The following RARB variants were observed in gnomAD, a reference collection of about 807,000 sequenced individuals.
RARB encodes retinoic acid receptor beta.
Under a neutral mutation model 51.9 loss-of-function variants are expected in RARB, and 17 were observed. The ratio of observed to expected loss-of-function variants is 0.33; its 90% CI spans 0.22 to 0.49. RARB has a LOEUF of 0.49. Among genes scored for constraint, RARB ranks in the 20% least tolerant of loss-of-function variants. The pLI is 0.99. For synonymous variants in RARB, 215 were observed against 195.4 expected, an observed-to-expected ratio of 1.10 and a Z score of -0.84; for missense variants, 369 against 550.8, an observed-to-expected ratio of 0.67 and a Z score of 3.30.
At chr3:24,991,472 GAAAAAAA>G (rs1696909699) in intron 2 of RARB, among the ~76,000 whole-genome samples, 1 of 150,210 alleles carries the variant, frequency 6.7e-6, no homozygotes, top group African/African-American at 2.5e-5. Context: ...AAAAGAAAAA[GAAAAAAA>G]TTAGCATTTT....
At chr3:25,170,796 G>T (rs1473307914) in intron 4 of RARB, among the ~76,000 whole-genome samples, 1 of 151,900 alleles carries the variant, frequency 6.6e-6, no homozygotes, top group Non-Finnish European at 1.5e-5. Flanking sequence ...ACATATGTGT[G>T]GAGAAAAATA....
At chr3:25,015,409 T>C (rs1697486855) in intron 2 of RARB, among the ~76,000 whole-genome samples, 1 of 152,200 alleles carries the variant, frequency 6.6e-6, no homozygotes, top group African/African-American at 2.4e-5. Context: ...ATTATCTTTA[T>C]AATTTGTTAA....
chr3:25,317,759 A>G (rs529670411), intron 5 of RARB, among the ~76,000 whole-genome samples: 6 of 152,350 alleles, frequency 3.9e-5, no homozygotes, highest in African/African-American at 1.4e-4. Context: ...ATTTATAATT[A>G]TCATCTCAAC....
At chr3:24,903,604 G>T (rs76602584) in intron 2 of RARB, among the ~76,000 whole-genome samples, 1 of 152,022 alleles carries the variant, frequency 6.6e-6, no homozygotes, top group Non-Finnish European at 1.5e-5. Context: ...TAGGAATTAC[G>T]CAAACAACAC....
intron 3 of RARB, among the ~76,000 whole-genome samples, chr3:25,069,920 T>G (rs916466723): frequency 1.3e-5 from 2 of 152,220 alleles, no homozygotes; most frequent in African/African-American, 4.8e-5. Flanking sequence ...TGTAGTTTCC[T>G]AGGGCTGTCA....
chr3:25,022,427 A>C (rs1483235976), intron 2 of RARB, among the ~76,000 whole-genome samples: 2 of 152,196 alleles, frequency 1.3e-5, no homozygotes, highest in Admixed American at 6.5e-5. Flanking sequence ...GATTTCATTT[A>C]TATGCATATT....
intron 5 of RARB, among the ~76,000 whole-genome samples, chr3:25,581,902 T>C (rs1701193150): frequency 6.6e-6 from 1 of 151,876 alleles, no homozygotes; most frequent in Non-Finnish European, 1.5e-5. Context: ...GAAGCAAATG[T>C]TGTTGTTTAA....
intron 1 of RARB, among the ~76,000 whole-genome samples, chr3:24,842,268 C>A (rs769339454): frequency 2.0e-5 from 3 of 152,070 alleles, no homozygotes; most frequent in Non-Finnish European, 2.9e-5. Context: ...ATTATAAATT[C>A]AAAGCTATAG....
chr3:25,476,187 A>G (rs1695933792), intron 2 of RARB, among the ~76,000 whole-genome samples: 1 of 152,196 alleles, frequency 6.6e-6, no homozygotes, highest in Non-Finnish European at 1.5e-5. Flanking sequence ...AATGGAGTAG[A>G]TGAAAATGCA....
At chr3:24,838,960 T>G (rs1702381219) in intron 1 of RARB, among the ~76,000 whole-genome samples, 1 of 150,836 alleles carries the variant, frequency 6.6e-6, no homozygotes, top group Non-Finnish European at 1.5e-5. Context: ...TAAATCAAAA[T>G]TAAAAACAAA....
intron 5 of RARB, among the ~76,000 whole-genome samples, chr3:25,421,215 A>G (rs980937171): frequency 2.0e-5 from 3 of 151,802 alleles, no homozygotes; most frequent in African/African-American, 7.3e-5. Flanking sequence ...CTCTTAGAGA[A>G]CTTGCCCTAA....
chr3:25,452,710 A>G (rs547815058), intron 1 of RARB, among the ~76,000 whole-genome samples: 3 of 152,296 alleles, frequency 2.0e-5, no homozygotes, highest in African/African-American at 7.2e-5. Context: ...AGTCATTTAC[A>G]TCTCATTTAT....
intron 2 of RARB, among the ~76,000 whole-genome samples, chr3:24,877,756 C>A (rs1235397755): frequency 6.6e-6 from 1 of 152,132 alleles, no homozygotes; most frequent in Non-Finnish European, 1.5e-5. Context: ...GGGAAAAAGA[C>A]TGACAGGTAG....
Position 25,188,694 on chromosome 3 carries a change from A to G in RARB, c.178+14119A>G, listed in dbSNP as rs112801082. On this transcript the variant is annotated intron_variant, in intron 5 of 11. Transcript: ENST00000383772. ...ATAAATGTTGTTATTATTACTATCT[A>G]TAATAATTATAACTACCATTTGTGT... 4.6e-3 allele frequency among the ~76,000 whole-genome samples: 701 copies of G among 152,262 alleles called. 7 individuals are homozygous for G. The highest frequency in any genetic ancestry group is 0.016 in the African/African-American group (658 of 41,560).
intron 2 of RARB, among the ~76,000 whole-genome samples, chr3:25,000,694 C>A (rs939711421): frequency 6.6e-6 from 1 of 152,092 alleles, no homozygotes; most frequent in African/African-American, 2.4e-5. Flanking sequence ...TTCTTTCATT[C>A]ATCATCTGAG....
chr3:24,877,575 C>A (rs888270001), intron 2 of RARB, among the ~76,000 whole-genome samples: 1 of 151,946 alleles, frequency 6.6e-6, no homozygotes, highest in Non-Finnish European at 1.5e-5. Context: ...AGCCAAGATA[C>A]CAGGTACAGC....
chr3:25,507,122 A>T (rs1697648790), intron 3 of RARB, among the ~76,000 whole-genome samples: 2 of 152,276 alleles, frequency 1.3e-5, no homozygotes, highest in South Asian at 4.1e-4. Flanking sequence ...TATATTATAC[A>T]GATAGTATGA....
intron 5 of RARB, among the ~76,000 whole-genome samples, chr3:25,389,293 A>G (rs1295570438): frequency 1.3e-5 from 2 of 152,166 alleles, no homozygotes; most frequent in Non-Finnish European, 2.9e-5. Flanking sequence ...CTTTAGTGAT[A>G]GCATTAGTGT....
chr3:24,906,844 CA>C (rs397875286), intron 2 of RARB, among the ~76,000 whole-genome samples: 1,514 of 75,946 alleles, frequency 0.02, 17 homozygotes, highest in East Asian at 0.15. Context: ...GATTCCGTCT[CA>C]AAAAAAAAAA....
Sources: gnomAD v4.1 joint callset for allele counts (sites outside exome capture counted in the v4.1 genomes callset) on GRCh38, gnomAD v4.1.1 for gene constraint, MANE v1.5 for transcripts, NCBI Gene and HGNC (gene_info 2026-07-23, HGNC 2026-07-21) for gene names.